UBXN2A: variants seen among roughly 807,000 people sequenced by gnomAD.
The protein encoded by UBXN2A is UBX domain protein 2A, also known as UBX domain-containing protein 2A.
In UBXN2A, 28 loss-of-function variants were observed where a neutral mutation model predicts 28.4. That is an observed-to-expected ratio of 0.99 (90% CI 0.73 to 1.35). UBXN2A has a LOEUF of 1.35. UBXN2A is among the 40% of genes most tolerant of loss of function. The pLI is 0.00. For missense variants in UBXN2A, 253 were observed against 297.9 expected, an observed-to-expected ratio of 0.85 and a Z score of 1.11; for synonymous variants, 97 against 103.6, an observed-to-expected ratio of 0.94 and a Z score of 0.39.
intron 4 of UBXN2A, among the ~76,000 whole-genome samples, chr2:23,982,034 A>G (rs1283120014): frequency 1.3e-5 from 2 of 152,044 alleles, no homozygotes; most frequent in African/African-American, 4.8e-5. Flanking sequence ...CTTTAAAAAA[A>G]TTGCAAAAAA....
chr2:23,950,396 A>T (rs1274374225), intron 1 of UBXN2A, among the ~76,000 whole-genome samples: 1 of 151,960 alleles, frequency 6.6e-6, no homozygotes, highest in African/African-American at 2.4e-5. Context: ...TTTTATTTTT[A>T]TTTTATTATT....
intron 1 of UBXN2A, among the ~76,000 whole-genome samples, chr2:23,954,553 C>T (rs1325180659): frequency 6.6e-6 from 1 of 152,130 alleles, no homozygotes; most frequent in Non-Finnish European, 1.5e-5. Context: ...TTCGTTACAA[C>T]CTTGCCAACG....
At chr2:23,938,171 A>G (rs933462064), upstream of UBXN2A, among the ~76,000 whole-genome samples, 6 of 151,824 alleles carry the variant, frequency 4.0e-5, no homozygotes, top group Admixed American at 6.5e-5. Flanking sequence ...TATTGTTAAG[A>G]TATCAATACT....
chr2:23,974,793 C>G (rs1481521075), intron 3 of UBXN2A, among the ~76,000 whole-genome samples: 1 of 152,082 alleles, frequency 6.6e-6, no homozygotes, highest in African/African-American at 2.4e-5. Flanking sequence ...GCCTGGCTAA[C>G]GTGCTGAAAC....
At chr2:23,957,702 C>T (rs1342103328) in intron 1 of UBXN2A, among the ~76,000 whole-genome samples, 1 of 152,066 alleles carries the variant, frequency 6.6e-6, no homozygotes, top group African/African-American at 2.4e-5. Context: ...GGTGTGGTGG[C>T]GCACGTCCGT....
At chr2:23,944,763 C>T (rs1321790019) in intron 1 of UBXN2A, among the ~76,000 whole-genome samples, 5 of 152,106 alleles carry the variant, frequency 3.3e-5, no homozygotes, top group African/African-American at 1.2e-4. Flanking sequence ...CTGTGAGTTG[C>T]TGGCTTAAAG....
At chr2:23,934,932 G>A (rs1486056185) in intron 1 of UBXN2A, among the ~76,000 whole-genome samples, 1 of 152,084 alleles carries the variant, frequency 6.6e-6, no homozygotes, top group Non-Finnish European at 1.5e-5. Context: ...AAAATTAGCT[G>A]GGTGTGGCGG....
At chr2:23,986,833 C>G (rs1417252047) in intron 6 of UBXN2A, among the ~76,000 whole-genome samples, 1 of 152,152 alleles carries the variant, frequency 6.6e-6, no homozygotes, top group Non-Finnish European at 1.5e-5. Flanking sequence ...GTCTCAAACT[C>G]CTGACCTCAG....
chr2:23,964,216 CT>C (rs993941618), intron 2 of UBXN2A, among the ~76,000 whole-genome samples: 10 of 138,230 alleles, frequency 7.2e-5, no homozygotes, highest in Admixed American at 7.0e-5. Context: ...TTATCCAATC[CT>C]TTTTTTTTTT....
At position 24,004,210 on chromosome 2, in the gene UBXN2A, CA is replaced by C. The variant is rs1173160409; in HGVS notation, c.*4347del. ...TTGTTAGTTAAATGTGTATAATTAT[CA>C]AAAGAGGTTGACTTTGGAAAACAAA... On this transcript the variant is annotated 3_prime_UTR_variant, in exon 7 of 7. Transcript: ENST00000309033. The C allele has an allele frequency of 7.3e-6, 1 of 136,868 alleles. No homozygotes were observed. The highest frequency in any genetic ancestry group is 2.7e-5 in the African/African-American group (1 of 37,432). The allele number at this position is 136,868 out of a possible 1,614,324, so 8.5% of individuals were successfully genotyped here.
chr2:23,977,076 G>C lies in UBXN2A; in HGVS notation c.287+1G>C, dbSNP rs1468626485. On this transcript the variant is annotated splice_donor_variant, in intron 4 of 6. Transcript: ENST00000309033. LOFTEE classifies it high-confidence loss of function. The stretch of plus-strand genomic sequence containing the variant: ...AGTTTTTGAACTCCATCAAAAAGGG[G>C]TGAGTAGCCAGGTGTGGTAGGTCAA... The C allele has an allele frequency of 3.7e-6, 6 of 1,610,288 alleles. No individual in the cohort carries two copies. The highest frequency in any genetic ancestry group is 5.1e-6 in the Non-Finnish European group (6 of 1,177,154).
chr2:23,931,127 G>A (rs1705354189), intron 1 of UBXN2A, among the ~76,000 whole-genome samples: 2 of 152,002 alleles, frequency 1.3e-5, no homozygotes, highest in African/African-American at 4.8e-5. Flanking sequence ...ACTCCAGCCT[G>A]GGCGACAGAG....
chr2:23,985,437 CGGGGTTTCACCA>C (rs1479295687), intron 6 of UBXN2A, among the ~76,000 whole-genome samples: 1 of 151,924 alleles, frequency 6.6e-6, no homozygotes. Flanking sequence ...TTAGTAGAGA[CGGGGTTTCACCA>C]GGAGTTTGGC....
At chr2:23,964,379 T>C (rs948870934) in intron 2 of UBXN2A, among the ~76,000 whole-genome samples, 3 of 152,138 alleles carry the variant, frequency 2.0e-5, no homozygotes, top group African/African-American at 4.8e-5. Context: ...CCCGGCTAAT[T>C]TTGTATTTTT....
At chr2:23,936,939 G>A (rs774410849), upstream of UBXN2A, among the ~76,000 whole-genome samples, 5 of 152,132 alleles carry the variant, frequency 3.3e-5, no homozygotes, top group Non-Finnish European at 7.4e-5. Context: ...TCGAACTCCT[G>A]GCCTCAAGTG....
intron 1 of UBXN2A, among the ~76,000 whole-genome samples, chr2:23,947,573 T>C (rs766088295): frequency 9.2e-5 from 14 of 152,224 alleles, no homozygotes; most frequent in Non-Finnish European, 1.9e-4. Flanking sequence ...TCAATTGATA[T>C]AAATAAATTT....
At chr2:23,993,133 A>G (rs1708411583) in intron 6 of UBXN2A, among the ~76,000 whole-genome samples, 1 of 152,216 alleles carries the variant, frequency 6.6e-6, no homozygotes, top group African/African-American at 2.4e-5. Flanking sequence ...CAAGTTTGAA[A>G]TTGTGTCCTG....
chr2:23,956,914 A>G (rs1706655646), intron 1 of UBXN2A, among the ~76,000 whole-genome samples: 1 of 152,146 alleles, frequency 6.6e-6, no homozygotes, highest in Non-Finnish European at 1.5e-5. Context: ...GATTGGTTCC[A>G]AGACCCCCAT....
chr2:23,943,400 C>G, intron 1 of UBXN2A, among the ~76,000 whole-genome samples: 1 of 152,032 alleles, frequency 6.6e-6, no homozygotes, highest in East Asian at 1.9e-4. Flanking sequence ...TTAAGAGTAC[C>G]TAACTGATCT....
Sources: allele counts gnomAD v4.1 joint callset (sites outside exome capture counted in the v4.1 genomes callset), GRCh38; gene constraint gnomAD v4.1.1; transcripts MANE v1.5; gene names NCBI Gene and HGNC (gene_info 2026-07-23, HGNC 2026-07-21).